Variants in MIPOL1 observed in about 807,000 individuals in gnomAD.
MIPOL1 encodes the protein mirror-image polydactyly gene 1 protein.
MIPOL1 carries 57 observed loss-of-function variants against 60.9 expected under a neutral mutation model. The ratio of observed to expected loss-of-function variants is 0.94; its 90% CI spans 0.76 to 1.17. The LOEUF is 1.17. Ranked by LOEUF, MIPOL1 falls within the 50% of genes most tolerant of loss-of-function variation. The pLI, the probability that MIPOL1 is intolerant of heterozygous loss-of-function variation, is 0.00. For missense variants in MIPOL1, 551 were observed against 511.6 expected (o/e 1.08, Z -0.74); for synonymous variants, 179 against 168.8 (o/e 1.06, Z -0.47).
intron 6 of MIPOL1, among the ~76,000 whole-genome samples, chr14:37,275,377 A>G (rs8016268): frequency 0.99 from 149,374 of 151,162 alleles, 73,827 homozygotes; most frequent in Middle Eastern, 1. Flanking sequence ...TTGAGTATGT[A>G]TCTCTTCTCA....
At chr14:37,421,675 G>T (rs1019858887) in intron 10 of MIPOL1, among the ~76,000 whole-genome samples, 5 of 151,994 alleles carry the variant, frequency 3.3e-5, no homozygotes, top group African/African-American at 1.2e-4. Context: ...CCAGTTCAGA[G>T]AACAGATTAA....
chr14:37,203,876 G>T (rs533088419), intron 1 of MIPOL1, among the ~76,000 whole-genome samples: 3 of 152,096 alleles, frequency 2.0e-5, no homozygotes, highest in African/African-American at 7.2e-5. Flanking sequence ...TCCGCCTCCC[G>T]GGTTCAAGCA....
intron 9 of MIPOL1, among the ~76,000 whole-genome samples, chr14:37,310,451 C>A (rs557772749): frequency 3.3e-5 from 5 of 152,272 alleles, no homozygotes; most frequent in African/African-American, 1.2e-4. Context: ...ACAGCCATTT[C>A]ATCTACTAGC....
intron 10 of MIPOL1, among the ~76,000 whole-genome samples, chr14:37,374,949 A>G (rs547277765): frequency 8.5e-5 from 13 of 152,174 alleles, no homozygotes; most frequent in Non-Finnish European, 1.5e-4. Flanking sequence ...TGGCGATAGC[A>G]TTGAATCTAT....
intron 1 of MIPOL1, among the ~76,000 whole-genome samples, chr14:37,212,561 C>T (rs1257286740): frequency 2.6e-5 from 4 of 152,122 alleles, no homozygotes; most frequent in African/African-American, 9.7e-5. Context: ...CAATAGAACA[C>T]CTGGTAGACT....
intron 11 of MIPOL1, among the ~76,000 whole-genome samples, chr14:37,463,053 A>G (rs2094557980): frequency 6.6e-6 from 1 of 152,206 alleles, no homozygotes; most frequent in African/African-American, 2.4e-5. Context: ...GCTGATAAAG[A>G]CATACCTGAG....
chr14:37,527,033 T>C (rs2095452260), intron 12 of MIPOL1, among the ~76,000 whole-genome samples: 1 of 152,152 alleles, frequency 6.6e-6, no homozygotes, highest in Non-Finnish European at 1.5e-5. Flanking sequence ...TTTAAAAATA[T>C]TTTATTAGCA....
Position 37,546,960 on chromosome 14 carries a change from A to G in MIPOL1, c.1318A>G (p.Thr440Ala), listed in dbSNP as rs776122516. ...RKKVGTGTMR[T>A]VI ...GAAGGTTGGAACCGGGACCATGAGGACAGTGATCTGATTGAAAAAAAACGA... is the reference window on the plus strand; with the variant it reads ...GAAGGTTGGAACCGGGACCATGAGGGCAGTGATCTGATTGAAAAAAAACGA... Residue 440 changes from threonine (T) to alanine (A), a missense_variant, in exon 13 of 13, where the codon ACA becomes GCA. Transcript: ENST00000684589. 6.2e-7 allele frequency: 1 copy of G among 1,613,078 alleles called. No individual in the cohort carries two copies. Among genetic ancestry groups the G allele is most frequent in the African/African-American group, 1.3e-5 (1 of 74,980 alleles).
chr14:37,358,133 T>A (rs983470728), intron 9 of MIPOL1, among the ~76,000 whole-genome samples: 26 of 152,170 alleles, frequency 1.7e-4, no homozygotes, highest in African/African-American at 6.0e-4. Flanking sequence ...AATGATGGTT[T>A]CCAGCTTCAT....
chr14:37,505,153 A>G (rs1443512393), intron 12 of MIPOL1: 1 of 152,238 alleles, frequency 6.6e-6, no homozygotes, highest in Non-Finnish European at 1.5e-5. Context: ...ACAGATTCAC[A>G]GCTGAATTCT....
intron 12 of MIPOL1, chr14:37,504,185 TAGAC>T (rs2095253353): frequency 6.6e-6 from 1 of 152,112 alleles, no homozygotes; most frequent in Admixed American, 6.5e-5. Context: ...CTGTCAATAT[TAGAC>T]AGATCAACGA....
intron 11 of MIPOL1, among the ~76,000 whole-genome samples, chr14:37,460,250 T>C (rs1163096279): frequency 6.6e-6 from 1 of 151,940 alleles, no homozygotes; most frequent in East Asian, 1.9e-4. Context: ...ATAAACAGAA[T>C]TAAAGACAAA....
intron 1 of MIPOL1, among the ~76,000 whole-genome samples, chr14:37,218,982 G>T (rs1372613315): frequency 6.6e-6 from 1 of 151,380 alleles, no homozygotes; most frequent in Admixed American, 6.6e-5. Context: ...TAATAGTAAA[G>T]GTGGTAAAAG....
intron 11 of MIPOL1, among the ~76,000 whole-genome samples, chr14:37,471,146 G>A (rs1354606052): frequency 6.6e-6 from 1 of 152,016 alleles, no homozygotes; most frequent in Non-Finnish European, 1.5e-5. Flanking sequence ...GGAACACTTG[G>A]GGACAGAGAA....
intron 7 of MIPOL1, among the ~76,000 whole-genome samples, chr14:37,296,494 C>CA (rs1407574033): frequency 5.3e-5 from 8 of 151,942 alleles, no homozygotes; most frequent in African/African-American, 1.9e-4. Context: ...AAAAACCATT[C>CA]AAAAAATCAA....
intron 11 of MIPOL1, among the ~76,000 whole-genome samples, chr14:37,462,828 T>C (rs781353972): frequency 2.6e-5 from 4 of 152,204 alleles, no homozygotes; most frequent in Non-Finnish European, 4.4e-5. Context: ...ACCTTATTGT[T>C]CATACCACTA....
chr14:37,215,975 A>G (rs1347099430), intron 1 of MIPOL1, among the ~76,000 whole-genome samples: 1 of 151,704 alleles, frequency 6.6e-6, no homozygotes, highest in Admixed American at 6.6e-5. Context: ...GAGGCAGAAG[A>G]ATCACTTGAA....
At chr14:37,403,008 A>G (rs577770426) in intron 10 of MIPOL1, among the ~76,000 whole-genome samples, 1 of 152,310 alleles carries the variant, frequency 6.6e-6, no homozygotes, top group Non-Finnish European at 1.5e-5. Context: ...AAGCACGATT[A>G]GCTGTTACAT....
chr14:37,207,560 T>A (rs1019109070), intron 1 of MIPOL1, among the ~76,000 whole-genome samples: 2 of 151,968 alleles, frequency 1.3e-5, no homozygotes, highest in East Asian at 1.9e-4. Context: ...TATTATTATT[T>A]TTTGAGATGG....
Sources: allele counts gnomAD v4.1 joint callset (sites outside exome capture counted in the v4.1 genomes callset), GRCh38; gene constraint gnomAD v4.1.1; transcripts MANE v1.5; gene names NCBI Gene and HGNC (gene_info 2026-07-23, HGNC 2026-07-21).